The following VSNL1 variants were observed in gnomAD, a reference collection of about 807,000 sequenced individuals.
VSNL1 encodes the protein visinin-like protein 1.
VSNL1 carries 6 observed loss-of-function variants against 20.4 expected under a neutral mutation model. The observed-to-expected ratio is 0.29, with a 90% CI of 0.16 to 0.58. VSNL1 has a LOEUF of 0.58. Among genes scored for constraint, VSNL1 ranks in the 20% least tolerant of loss-of-function variants. VSNL1 has a pLI of 0.90. For missense variants in VSNL1, 100 were observed against 234.5 expected, an observed-to-expected ratio of 0.43 and a Z score of 3.75; for synonymous variants, 93 against 86.4, an observed-to-expected ratio of 1.08 and a Z score of -0.42.
intron 2 of VSNL1, among the ~76,000 whole-genome samples, chr2:17,633,441 C>T (rs532453057): frequency 3.3e-5 from 5 of 150,690 alleles, no homozygotes; most frequent in African/African-American, 1.2e-4. Flanking sequence ...ATTGCTTGAA[C>T]CTGAGAGGCA....
At chr2:17,592,649 T>C (rs1047199422) in intron 2 of VSNL1, among the ~76,000 whole-genome samples, 1,601 of 5,666 alleles carry the variant, frequency 0.28, 130 homozygotes, top group Non-Finnish European at 0.45. Context: ...TCTTTTTTTT[T>C]TTTTTTTTTT....
intron 2 of VSNL1, among the ~76,000 whole-genome samples, chr2:17,600,921 T>C (rs1664807312): frequency 6.6e-6 from 1 of 152,200 alleles, no homozygotes; most frequent in Admixed American, 6.5e-5. Flanking sequence ...TATTTTATTA[T>C]GGTGATATTG....
chr2:17,596,081 C>G (rs1271524204), intron 2 of VSNL1, among the ~76,000 whole-genome samples: 2 of 152,172 alleles, frequency 1.3e-5, no homozygotes, highest in African/African-American at 2.4e-5. Context: ...TTTAAGCCCC[C>G]CAGTCTGTGG....
At chr2:17,626,147 A>G (rs1665503474) in intron 2 of VSNL1, among the ~76,000 whole-genome samples, 3 of 152,062 alleles carry the variant, frequency 2.0e-5, no homozygotes, top group South Asian at 4.2e-4. Flanking sequence ...TCTCCTCACT[A>G]TCTCTGGGCT....
At chr2:17,651,861 T>C (rs1262033408) in intron 3 of VSNL1, among the ~76,000 whole-genome samples, 4 of 152,388 alleles carry the variant, frequency 2.6e-5, no homozygotes, top group Middle Eastern at 3.4e-3. Flanking sequence ...ACATTATGAA[T>C]GTTGCATTAG....
intron 2 of VSNL1, among the ~76,000 whole-genome samples, chr2:17,632,904 A>C (rs1665668836): frequency 6.6e-6 from 1 of 152,218 alleles, no homozygotes; most frequent in African/African-American, 2.4e-5. Flanking sequence ...CTATAATTCT[A>C]GCCCTTTGGG....
At chr2:17,562,274 A>G (rs560150591) in intron 1 of VSNL1, among the ~76,000 whole-genome samples, 2 of 152,340 alleles carry the variant, frequency 1.3e-5, no homozygotes, top group South Asian at 4.1e-4. Flanking sequence ...AAATAATGCA[A>G]TATGTGAAAG....
At chr2:17,579,679 T>A (rs527435044) in intron 1 of VSNL1, among the ~76,000 whole-genome samples, 3 of 152,120 alleles carry the variant, frequency 2.0e-5, no homozygotes, top group Non-Finnish European at 4.4e-5. Flanking sequence ...GAAACCTAGC[T>A]CTGGTGCTTT....
intron 2 of VSNL1, among the ~76,000 whole-genome samples, chr2:17,642,309 C>CATTTTTTTTTTTTTTTTTT (rs1665897571): frequency 1.1e-5 from 1 of 93,194 alleles, no homozygotes; most frequent in Non-Finnish European, 2.3e-5. Flanking sequence ...GTGAGCATTC[C>CATTTTTTTTTTTTTTTTTT]TTTTTTTTTT....
chr2:17,585,318 G>A (rs1045075792), intron 1 of VSNL1, among the ~76,000 whole-genome samples: 1 of 151,796 alleles, frequency 6.6e-6, no homozygotes, highest in African/African-American at 2.4e-5. Flanking sequence ...TGAGTACTTG[G>A]CTTCTGGAGG....
intron 2 of VSNL1, among the ~76,000 whole-genome samples, chr2:17,620,083 C>G (rs1224386947): frequency 1.3e-5 from 2 of 152,102 alleles, no homozygotes. Flanking sequence ...GAGAGGGAGG[C>G]CTTCCTGCAA....
At chr2:17,569,981 A>G (rs951759414) in intron 1 of VSNL1, among the ~76,000 whole-genome samples, 32 of 152,226 alleles carry the variant, frequency 2.1e-4, no homozygotes, top group Non-Finnish European at 4.3e-4. Flanking sequence ...TTCTTGTTTT[A>G]AAGTTTTTAT....
intron 1 of VSNL1, among the ~76,000 whole-genome samples, chr2:17,581,263 T>A (rs573248273): frequency 4.6e-5 from 7 of 152,190 alleles, no homozygotes; most frequent in Non-Finnish European, 8.8e-5. Context: ...TATGCTCCCA[T>A]TCCCTTCCTC....
chr2:17,549,172 C>A (rs17380394), intron 1 of VSNL1, among the ~76,000 whole-genome samples: 4,459 of 152,326 alleles, frequency 0.029, 63 homozygotes, highest in Middle Eastern at 0.054. Flanking sequence ...TTGTTTATCA[C>A]ATAAATGGTT....
intron 2 of VSNL1, among the ~76,000 whole-genome samples, chr2:17,619,290 C>G (rs2710686): frequency 0.06 from 9,161 of 152,198 alleles, 882 homozygotes; most frequent in African/African-American, 0.2. Flanking sequence ...CCAAGTTACC[C>G]ACATGGTGGA....
intron 3 of VSNL1, among the ~76,000 whole-genome samples, chr2:17,654,694 A>C (rs1666188116): frequency 6.6e-6 from 1 of 152,210 alleles, no homozygotes; most frequent in Admixed American, 6.5e-5. Context: ...CTTATTCAAT[A>C]GCATTTAAGG....
intron 1 of VSNL1, among the ~76,000 whole-genome samples, chr2:17,581,292 A>G (rs1201140492): frequency 6.6e-6 from 1 of 152,132 alleles, no homozygotes; most frequent in Non-Finnish European, 1.5e-5. Flanking sequence ...TGTATTTAAT[A>G]TATGTCCTCA....
intron 1 of VSNL1, among the ~76,000 whole-genome samples, chr2:17,543,770 G>C (rs1229231609): frequency 6.6e-6 from 1 of 152,174 alleles, no homozygotes; most frequent in Non-Finnish European, 1.5e-5. Flanking sequence ...CATCTTGCTG[G>C]ATGAGGGCTG....
chr2:17,590,853 C>T (rs1664579115), intron 1 of VSNL1, among the ~76,000 whole-genome samples: 1 of 152,160 alleles, frequency 6.6e-6, no homozygotes, highest in Admixed American at 6.5e-5. Context: ...TTCTTCAACC[C>T]TAACTCAGTA....
Sources: allele counts gnomAD v4.1 joint callset (sites outside exome capture counted in the v4.1 genomes callset), GRCh38; gene constraint gnomAD v4.1.1; transcripts MANE v1.5; gene names NCBI Gene and HGNC (gene_info 2026-07-23, HGNC 2026-07-21).